The following CERS6 variants were observed in gnomAD, a reference collection of about 807,000 sequenced individuals.
CERS6 encodes the protein LAG1 homolog, ceramide synthase 6.
A neutral mutation model predicts 56.8 loss-of-function variants in CERS6; 26 were observed. The ratio of observed to expected loss-of-function variants is 0.46; its 90% CI spans 0.34 to 0.63. The LOEUF is 0.63. Ranked by LOEUF, CERS6 falls within the 30% of genes least tolerant of loss-of-function variation. The pLI, the probability that CERS6 is intolerant of heterozygous loss-of-function variation, is 0.01. For synonymous variants in CERS6, 164 were observed against 173.3 expected (o/e 0.95, Z 0.42); for missense variants, 415 against 467.5 (o/e 0.89, Z 1.04).
At chr2:168,496,139 T>A (rs758386651) in intron 1 of CERS6, among the ~76,000 whole-genome samples, 2 of 152,252 alleles carry the variant, frequency 1.3e-5, no homozygotes, top group Non-Finnish European at 2.9e-5. Flanking sequence ...ATGTGCCACA[T>A]GCTATATATC....
chr2:168,579,796 C>T (rs1476253768), intron 3 of CERS6, among the ~76,000 whole-genome samples: 1 of 152,190 alleles, frequency 6.6e-6, no homozygotes, highest in African/African-American at 2.4e-5. Context: ...CTTCATCTCT[C>T]CCAGCTCCTC....
chr2:168,527,328 C>G (rs1279680057), intron 1 of CERS6, among the ~76,000 whole-genome samples: 1 of 152,150 alleles, frequency 6.6e-6, no homozygotes, highest in Non-Finnish European at 1.5e-5. Context: ...TAACATCTGC[C>G]AGCAGAGAGT....
intron 4 of CERS6, among the ~76,000 whole-genome samples, chr2:168,645,110 A>ATATAT (rs1685147700): frequency 8.5e-5 from 5 of 58,916 alleles, no homozygotes; most frequent in Admixed American, 2.2e-4. Context: ...AAAAAAAAAA[A>ATATAT]AAAAAAATAT....
At chr2:168,547,771 G>T (rs1352639635) in intron 2 of CERS6, 70 bp downstream of exon 2, 1 of 1,099,366 alleles carries the variant, frequency 9.1e-7, no homozygotes, top group Non-Finnish European at 1.4e-6. Flanking sequence ...CATTCAATTT[G>T]TCCCCTTCTG....
intron 4 of CERS6, among the ~76,000 whole-genome samples, chr2:168,648,245 G>T (rs968559737): frequency 8.6e-5 from 13 of 152,044 alleles, no homozygotes; most frequent in African/African-American, 2.9e-4. Context: ...GTTCAGTCTT[G>T]GCGGGTATAT....
At chr2:168,667,272 G>T (rs1455589834) in intron 4 of CERS6, among the ~76,000 whole-genome samples, 2 of 152,196 alleles carry the variant, frequency 1.3e-5, no homozygotes, top group Non-Finnish European at 2.9e-5. Context: ...TCAGTTTCTT[G>T]CACAGGCGAG....
intron 4 of CERS6, among the ~76,000 whole-genome samples, chr2:168,675,630 AAAT>A (rs1182930087): frequency 1.3e-5 from 2 of 152,124 alleles, no homozygotes; most frequent in African/African-American, 4.8e-5. Flanking sequence ...AACAACAACA[AAAT>A]AATAATAAAT....
intron 8 of CERS6, among the ~76,000 whole-genome samples, chr2:168,760,207 G>A (rs571859520): frequency 7.9e-5 from 12 of 152,056 alleles, no homozygotes; most frequent in Non-Finnish European, 1.5e-4. Flanking sequence ...TAACTTACAC[G>A]ATCACAAGGT....
chr2:168,722,955 AG>A (rs1683222947), intron 8 of CERS6, among the ~76,000 whole-genome samples: 2 of 152,116 alleles, frequency 1.3e-5, no homozygotes, highest in South Asian at 4.1e-4. Flanking sequence ...TGCTGTTCCT[AG>A]GACATGGCTT....
chr2:168,501,439 A>G (rs1183682793), intron 1 of CERS6, among the ~76,000 whole-genome samples: 1 of 152,230 alleles, frequency 6.6e-6, no homozygotes, highest in Non-Finnish European at 1.5e-5. Context: ...AAGCTGTAAG[A>G]AGATTCTCCC....
intron 4 of CERS6, among the ~76,000 whole-genome samples, chr2:168,660,470 C>A (rs1685601212): frequency 6.6e-6 from 1 of 152,116 alleles, no homozygotes; most frequent in Non-Finnish European, 1.5e-5. Flanking sequence ...TGATGCTTTG[C>A]CTTTTCCCAA....
At chr2:168,681,468 A>G (rs1686213577) in intron 4 of CERS6, among the ~76,000 whole-genome samples, 1 of 152,166 alleles carries the variant, frequency 6.6e-6, no homozygotes, top group South Asian at 2.1e-4. Flanking sequence ...ATATAGAGCA[A>G]ATTGGGTTTT....
intron 1 of CERS6, among the ~76,000 whole-genome samples, chr2:168,457,628 C>T (rs1372726460): frequency 1.3e-5 from 2 of 152,114 alleles, no homozygotes; most frequent in Non-Finnish European, 2.9e-5. Flanking sequence ...GGCTGAATTT[C>T]TTAGATCACA....
In CERS6 at chr2:168,619,813, C is replaced by T. The variant is rs538470240; in HGVS notation, c.408-11172C>T. 3.3e-5 allele frequency among the ~76,000 whole-genome samples: 5 copies of T among 151,758 alleles called. No homozygotes were observed. In the South Asian group the frequency reaches 1.0e-3, roughly 32 times the overall value. On this transcript the variant is annotated intron_variant, in intron 3 of 9. Coordinates refer to ENST00000305747, the MANE Select transcript of CERS6 (RefSeq NM_203463.3). ...GAACTAAAAGTAGAACCATTTGATC[C>T]AGCAATCCCATTACTGGGTATCTAC...
chr2:168,769,381 TTC>T, intron 9 of CERS6, 127 bp from the exon 10 acceptor site: 1 of 802,648 alleles, frequency 1.2e-6, no homozygotes, highest in Non-Finnish European at 1.9e-6. Flanking sequence ...TCTGGCAATG[TTC>T]TCATCCTCTT....
At chr2:168,591,921 GGGATACCAAATA>G (rs1282376767) in intron 3 of CERS6, among the ~76,000 whole-genome samples, 1 of 152,154 alleles carries the variant, frequency 6.6e-6, no homozygotes, top group Non-Finnish European at 1.5e-5. Context: ...CCTCAATGCT[GGGATACCAAATA>G]GATCAGAGCG....
chr2:168,748,768 C>T (rs935229321), intron 8 of CERS6, among the ~76,000 whole-genome samples: 22 of 147,186 alleles, frequency 1.5e-4, no homozygotes, highest in African/African-American at 4.3e-4. Context: ...CCAAGGTCTA[C>T]GGCACATCTA....
At chr2:168,468,576 A>G (rs1286959464) in intron 1 of CERS6, among the ~76,000 whole-genome samples, 1 of 152,190 alleles carries the variant, frequency 6.6e-6, no homozygotes, top group Non-Finnish European at 1.5e-5. Context: ...TCAGTGAAAT[A>G]GTGATTACTT....
At chr2:168,662,165 T>A (rs530541992) in intron 4 of CERS6, among the ~76,000 whole-genome samples, 131 of 151,102 alleles carry the variant, frequency 8.7e-4, no homozygotes, top group African/African-American at 2.9e-3. Context: ...AATTTCCCAT[T>A]CCTATAAACC....
Sources: allele counts gnomAD v4.1 joint callset (sites outside exome capture counted in the v4.1 genomes callset), GRCh38; gene constraint gnomAD v4.1.1; transcripts MANE v1.5; gene names NCBI Gene and HGNC (gene_info 2026-07-23, HGNC 2026-07-21).